TPD52: variants seen among roughly 807,000 people sequenced by gnomAD.
The protein encoded by TPD52 is tumor protein D52.
Under a neutral mutation model 31.3 loss-of-function variants are expected in TPD52, and 17 were observed. The ratio of observed to expected loss-of-function variants is 0.54; its 90% CI spans 0.37 to 0.82. TPD52 has a LOEUF of 0.82. TPD52 is among the 40% of genes least tolerant of loss of function. TPD52 has a pLI of 0.00. For missense variants in TPD52, 212 were observed against 240.1 expected, an observed-to-expected ratio of 0.88 and a Z score of 0.77; for synonymous variants, 83 against 89.6, an observed-to-expected ratio of 0.93 and a Z score of 0.42.
intron 1 of TPD52, among the ~76,000 whole-genome samples, chr8:80,129,465 G>A (rs77993384): frequency 0.021 from 3,257 of 152,222 alleles, 121 homozygotes; most frequent in African/African-American, 0.075. Flanking sequence ...TTCTACACGG[G>A]ACGTAGAATG....
At chr8:80,061,416 T>G (rs2130652434) in intron 2 of TPD52, among the ~76,000 whole-genome samples, 1 of 108,092 alleles carries the variant, frequency 9.3e-6, no homozygotes, top group East Asian at 3.2e-4. Flanking sequence ...AAAAATCTAT[T>G]CAAGAGTGGT....
chr8:80,066,189 G>A (rs763007639), intron 1 of TPD52, among the ~76,000 whole-genome samples: 2 of 152,168 alleles, frequency 1.3e-5, no homozygotes, highest in Non-Finnish European at 2.9e-5. Context: ...GCAAGCATTA[G>A]AGAATTACAT....
intron 2 of TPD52, among the ~76,000 whole-genome samples, chr8:80,062,107 T>A (rs1812616317): frequency 6.6e-6 from 1 of 152,146 alleles, no homozygotes; most frequent in African/African-American, 2.4e-5. Flanking sequence ...GAACCTTGAA[T>A]AACAATTTTT....
chr8:80,073,800 T>C (rs1814208548), intron 1 of TPD52, among the ~76,000 whole-genome samples: 1 of 152,232 alleles, frequency 6.6e-6, no homozygotes, highest in Non-Finnish European at 1.5e-5. Flanking sequence ...ATGTGAAATG[T>C]CACTTTCCTA....
intron 1 of TPD52, among the ~76,000 whole-genome samples, chr8:80,087,627 A>G (rs1361670024): frequency 6.6e-6 from 1 of 152,192 alleles, no homozygotes; most frequent in Non-Finnish European, 1.5e-5. Context: ...CCAGCCACAG[A>G]CACACAGGCA....
intron 1 of TPD52, among the ~76,000 whole-genome samples, chr8:80,110,541 C>T (rs567482480): frequency 1.3e-5 from 2 of 148,572 alleles, no homozygotes; most frequent in African/African-American, 2.5e-5. Flanking sequence ...GCACATTGTG[C>T]ACATGTACCC....
intron 1 of TPD52, among the ~76,000 whole-genome samples, chr8:80,137,688 G>A (rs571507497): frequency 1.3e-5 from 2 of 152,310 alleles, no homozygotes; most frequent in Non-Finnish European, 2.9e-5. Context: ...AAGATGGGTG[G>A]AAGCCCTCAG....
chr8:80,151,576 G>C (rs1004367935), intron 1 of TPD52, among the ~76,000 whole-genome samples: 2 of 152,146 alleles, frequency 1.3e-5, no homozygotes, highest in African/African-American at 2.4e-5. Context: ...CCCAAAAAAA[G>C]ATCAGTTTTT....
At chr8:80,073,946 T>C (rs900329033) in intron 1 of TPD52, among the ~76,000 whole-genome samples, 2 of 152,110 alleles carry the variant, frequency 1.3e-5, no homozygotes, top group Non-Finnish European at 2.9e-5. Flanking sequence ...ACAAAAATGA[T>C]ATCACAGAAA....
chr8:80,046,119 T>G (rs1243596804), intron 5 of TPD52, among the ~76,000 whole-genome samples: 1 of 152,184 alleles, frequency 6.6e-6, no homozygotes, highest in African/African-American at 2.4e-5. Context: ...TTACCTAGCA[T>G]GTACCTACTA....
intron 1 of TPD52, among the ~76,000 whole-genome samples, chr8:80,107,131 G>A (rs748013356): frequency 2.0e-5 from 3 of 152,250 alleles, no homozygotes; most frequent in East Asian, 1.9e-4. Context: ...GATTACAGGC[G>A]TGAGCCACCA....
rs1336185258 is a variant in TPD52 at position 80,160,509 on chromosome 8, T to TGGAATATTCCAACTTCCATAC, written c.19+10895_19+10915dup. Among the ~76,000 whole-genome samples, 28 of 152,264 alleles carry TGGAATATTCCAACTTCCATAC rather than the reference T, an allele frequency of 1.8e-4. No homozygotes were observed. In the East Asian group the frequency reaches 4.6e-3, roughly 25 times the overall value. On this transcript the variant is annotated intron_variant, in intron 1 of 7. Coordinates refer to ENST00000518937, the MANE Select transcript of TPD52 (RefSeq NM_001025253.3). ...CATACTTAATATTCCAACTTCCATA[T>TGGAATATTCCAACTTCCATAC]GGAATATTCCAACTTCCATACTGAA... is the stretch of plus-strand genomic sequence containing the variant.
chr8:80,169,651 C>G (rs1811946248), intron 1 of TPD52, among the ~76,000 whole-genome samples: 1 of 151,930 alleles, frequency 6.6e-6, no homozygotes, highest in African/African-American at 2.4e-5. Flanking sequence ...ATTCTAAAAA[C>G]ATCATTATGT....
intron 1 of TPD52, among the ~76,000 whole-genome samples, chr8:80,070,974 G>A (rs111443891): frequency 8.5e-5 from 13 of 152,252 alleles, no homozygotes; most frequent in South Asian, 2.1e-4. Flanking sequence ...AAATTTGAAC[G>A]CAGAGACTCA....
intron 1 of TPD52, among the ~76,000 whole-genome samples, chr8:80,152,831 G>A (rs185586712): frequency 3.4e-5 from 5 of 148,828 alleles, no homozygotes; most frequent in African/African-American, 7.5e-5. Context: ...GGTTTCCTTC[G>A]AATTGAGGAA....
In TPD52 at chr8:80,035,926, G is replaced by A. The variant is rs1586115119; in HGVS notation, c.*2190C>T. ...TAAATATCTGTGAATTCATAATATTGAATCTGCCACAAAAACCATTTTGAA... is the reference window on the plus strand; with the variant it reads ...TAAATATCTGTGAATTCATAATATTAAATCTGCCACAAAAACCATTTTGAA... On this transcript the variant is annotated 3_prime_UTR_variant, in exon 8 of 8. Coordinates refer to ENST00000518937, the MANE Select transcript of TPD52 (RefSeq NM_001025253.3). The A allele has an allele frequency of 6.6e-6, 1 of 152,052 alleles. No individual in the cohort carries two copies. The highest frequency in any genetic ancestry group is 1.9e-4 in the East Asian group (1 of 5,192). The allele number at this position is 152,052 out of a possible 1,614,324, so 9.4% of individuals were successfully genotyped here.
intron 1 of TPD52, among the ~76,000 whole-genome samples, chr8:80,136,051 G>A (rs1236853457): frequency 7.3e-6 from 1 of 136,358 alleles, no homozygotes; most frequent in Non-Finnish European, 1.6e-5. Flanking sequence ...GTTAGTGGGT[G>A]CAGCGCACCA....
At chr8:80,114,524 G>C (rs1807726997) in intron 1 of TPD52, among the ~76,000 whole-genome samples, 1 of 152,084 alleles carries the variant, frequency 6.6e-6, no homozygotes. Flanking sequence ...GTTAATTAAT[G>C]TCATTGTCCA....
intron 1 of TPD52, among the ~76,000 whole-genome samples, chr8:80,138,802 C>T (rs1313691100): frequency 1.2e-4 from 19 of 152,158 alleles, no homozygotes; most frequent in Admixed American, 1.2e-3. Context: ...ATCCTCCCCT[C>T]CCCACCTTAG....
Sources: gnomAD v4.1 joint callset for allele counts (sites outside exome capture counted in the v4.1 genomes callset) on GRCh38, gnomAD v4.1.1 for gene constraint, MANE v1.5 for transcripts, NCBI Gene and HGNC (gene_info 2026-07-23, HGNC 2026-07-21) for gene names.